Variants in OXR1 observed in about 807,000 individuals in gnomAD.
The protein encoded by OXR1 is oxidation resistance 1.
A neutral mutation model predicts 104.6 loss-of-function variants in OXR1; 41 were observed. The observed-to-expected ratio is 0.39, with a 90% confidence interval of 0.31 to 0.51. The LOEUF (loss-of-function observed/expected upper bound fraction) is 0.51. Among genes scored for constraint, OXR1 ranks in the 20% least tolerant of loss-of-function variants. OXR1 has a pLI of 0.77. For synonymous variants in OXR1, 348 were observed against 348.4 expected, an observed-to-expected ratio of 1.00 and a Z score of 0.01; for missense variants, 955 against 1,031.9, an observed-to-expected ratio of 0.93 and a Z score of 1.02.
chr8:106,690,737 A>G (rs1829194437), intron 6 of OXR1, among the ~76,000 whole-genome samples: 1 of 151,944 alleles, frequency 6.6e-6, no homozygotes, highest in African/African-American at 2.4e-5. Context: ...CATAATTTAT[A>G]GACAGTAAAT....
intron 2 of OXR1, among the ~76,000 whole-genome samples, chr8:106,411,303 T>A (rs1248584242): frequency 6.6e-6 from 1 of 152,158 alleles, no homozygotes; most frequent in African/African-American, 2.4e-5. Flanking sequence ...GAGAGTGGCA[T>A]GACAGATCAT....
At chr8:106,292,943 A>C (rs1812818121) in intron 1 of OXR1, among the ~76,000 whole-genome samples, 1 of 152,248 alleles carries the variant, frequency 6.6e-6, no homozygotes, top group Non-Finnish European at 1.5e-5. Flanking sequence ...AGAGCAGGGT[A>C]AGAGCAGAGG....
chr8:106,310,083 A>G (rs1813634408), intron 1 of OXR1, among the ~76,000 whole-genome samples: 1 of 151,840 alleles, frequency 6.6e-6, no homozygotes. Context: ...ATTTTCCTAT[A>G]TTTTTCAGTT....
intron 1 of OXR1, among the ~76,000 whole-genome samples, chr8:106,324,197 C>A (rs1431258412): frequency 6.6e-6 from 1 of 152,198 alleles, no homozygotes; most frequent in East Asian, 1.9e-4. Flanking sequence ...ATAGTGAGAT[C>A]ATGTCTTCTG....
At chr8:106,476,784 C>T (rs1821833664) in intron 2 of OXR1, among the ~76,000 whole-genome samples, 1 of 152,002 alleles carries the variant, frequency 6.6e-6, no homozygotes, top group African/African-American at 2.4e-5. Flanking sequence ...CCTTTCCCGG[C>T]ACCTCAGTTC....
chr8:106,626,438 G>T (rs1822168931), intron 3 of OXR1, among the ~76,000 whole-genome samples: 1 of 151,380 alleles, frequency 6.6e-6, no homozygotes, highest in Non-Finnish European at 1.5e-5. Context: ...TTGAAGTTTG[G>T]TGTCTTTTCC....
chr8:106,690,905 T>C (rs1020692816), intron 6 of OXR1, among the ~76,000 whole-genome samples: 1 of 151,988 alleles, frequency 6.6e-6, no homozygotes, highest in Non-Finnish European at 1.5e-5. Context: ...TCAATCTTCC[T>C]TTGCCCTACC....
At chr8:106,292,161 A>G (rs1409558027) in intron 1 of OXR1, among the ~76,000 whole-genome samples, 4 of 152,192 alleles carry the variant, frequency 2.6e-5, no homozygotes, top group Admixed American at 2.6e-4. Flanking sequence ...GCAGTATTGT[A>G]GTGCTTGTAT....
intron 2 of OXR1, among the ~76,000 whole-genome samples, chr8:106,468,486 G>A (rs1198694981): frequency 6.6e-6 from 1 of 151,752 alleles, no homozygotes; most frequent in Non-Finnish European, 1.5e-5. Context: ...GTCAAAGACT[G>A]TAAAGCAGAA....
chr8:106,283,944 C>CG (rs543310618), intron 1 of OXR1, among the ~76,000 whole-genome samples: 266 of 152,118 alleles, frequency 1.7e-3, no homozygotes, highest in Non-Finnish European at 2.9e-3. Flanking sequence ...AATATATTTA[C>CG]TGGGAAACAG....
chr8:106,279,082 G>T (rs1812176574), intron 1 of OXR1, among the ~76,000 whole-genome samples: 1 of 152,114 alleles, frequency 6.6e-6, no homozygotes, highest in African/African-American at 2.4e-5. Flanking sequence ...GAAGACTAAA[G>T]AAGTTGAAAG....
At chr8:106,422,953 G>T (rs1043861837) in intron 2 of OXR1, among the ~76,000 whole-genome samples, 1 of 151,994 alleles carries the variant, frequency 6.6e-6, no homozygotes, top group Non-Finnish European at 1.5e-5. Context: ...TTTGGGATTG[G>T]CCAGGAGAGA....
At chr8:106,591,826 T>C (rs1323260489) in intron 3 of OXR1, among the ~76,000 whole-genome samples, 2 of 152,242 alleles carry the variant, frequency 1.3e-5, no homozygotes, top group African/African-American at 4.8e-5. Context: ...TTACAATCCA[T>C]TTCTCTGAAA....
chr8:106,371,733 C>T (rs546485596), intron 2 of OXR1, among the ~76,000 whole-genome samples: 3 of 152,092 alleles, frequency 2.0e-5, no homozygotes, highest in African/African-American at 7.2e-5. Context: ...CTGAGTTCTA[C>T]TTTGATTGTA....
At chr8:106,451,698 C>T (rs765992829) in intron 2 of OXR1, among the ~76,000 whole-genome samples, 6 of 152,186 alleles carry the variant, frequency 3.9e-5, no homozygotes, top group African/African-American at 4.8e-5. Context: ...TCTAGAACAT[C>T]GTCTCTGTTG....
At chr8:106,464,867 G>C (rs1248099432) in intron 2 of OXR1, among the ~76,000 whole-genome samples, 1 of 151,932 alleles carries the variant, frequency 6.6e-6, no homozygotes, top group Non-Finnish European at 1.5e-5. Flanking sequence ...CTGAGGATGG[G>C]CCTCTTCTCT....
chr8:106,339,544 A>T (rs13262913), intron 1 of OXR1, among the ~76,000 whole-genome samples: 7 of 101,394 alleles, frequency 6.9e-5, no homozygotes, highest in South Asian at 7.1e-4. Flanking sequence ...ATATATATAT[A>T]TATATATATA....
intron 3 of OXR1, among the ~76,000 whole-genome samples, chr8:106,590,831 G>T (rs1449738227): frequency 6.6e-6 from 1 of 152,152 alleles, no homozygotes; most frequent in Non-Finnish European, 1.5e-5. Flanking sequence ...GCCTCACCTG[G>T]GTCTAGCTCA....
intron 3 of OXR1, among the ~76,000 whole-genome samples, chr8:106,604,268 A>G (rs1340039503): frequency 1.3e-5 from 2 of 152,322 alleles, no homozygotes; most frequent in East Asian, 3.9e-4. Flanking sequence ...AAATGTCAAA[A>G]GCATTATGAC....
Sources: allele counts gnomAD v4.1 joint callset (sites outside exome capture counted in the v4.1 genomes callset), GRCh38; gene constraint gnomAD v4.1.1; transcripts MANE v1.5; gene names NCBI Gene and HGNC (gene_info 2026-07-23, HGNC 2026-07-21).